The following HNF4G variants were observed in gnomAD, a reference collection of about 807,000 sequenced individuals.
HNF4G encodes hepatocyte nuclear factor 4 gamma.
Under a neutral mutation model 50.9 loss-of-function variants are expected in HNF4G, and 21 were observed. That is an observed-to-expected ratio of 0.41 (90% CI 0.29 to 0.59). The LOEUF (loss-of-function observed/expected upper bound fraction) is 0.59. Among genes scored for constraint, HNF4G ranks in the 20% least tolerant of loss-of-function variants. The pLI is 0.26. For synonymous variants in HNF4G, 198 were observed against 185.6 expected (o/e 1.07, Z -0.54); for missense variants, 527 against 559.4 (o/e 0.94, Z 0.58).
intron 2 of HNF4G, among the ~76,000 whole-genome samples, chr8:75,507,865 A>G (rs865787638): frequency 7.9e-5 from 12 of 152,268 alleles, no homozygotes; most frequent in South Asian, 2.1e-4. Context: ...TTAAAACATA[A>G]AAGAAATAAA....
intron 1 of HNF4G, among the ~76,000 whole-genome samples, chr8:75,454,694 C>G (rs1170569575): frequency 6.6e-6 from 1 of 151,808 alleles, no homozygotes; most frequent in Non-Finnish European, 1.5e-5. Flanking sequence ...CTTAATTAGC[C>G]TACCCAAAAT....
rs1376962822 is a variant in HNF4G at position 75,559,532 on chromosome 8, A to G, written c.1123+495A>G. On this transcript the variant is annotated intron_variant, in intron 8 of 9. Coordinates refer to ENST00000396423, the MANE Select transcript of HNF4G (RefSeq NM_004133.5). ...TGTGATCTGCCAGCCTCGGCCTCCC[A>G]AAGTGCTGGGAATACAGGCGTGAGC... Among the ~76,000 whole-genome samples the G allele has an allele frequency of 2.6e-5, 4 of 152,168 alleles. 1 individual carries two copies. In the East Asian group the frequency reaches 7.8e-4, roughly 30 times the overall value.
chr8:75,445,642 C>T (rs1334785422), intron 1 of HNF4G, among the ~76,000 whole-genome samples: 3 of 104,208 alleles, frequency 2.9e-5, no homozygotes, highest in African/African-American at 4.5e-5. Context: ...TCAGAGAATA[C>T]TACAAACACC....
Position 75,425,993 on chromosome 8 carries a change from T to C in HNF4G, c.-144+17831T>C, listed in dbSNP as rs73688880. 9.4e-3 allele frequency among the ~76,000 whole-genome samples: 1,433 copies of C among 152,334 alleles called. 26 individuals are homozygous for C. Among genetic ancestry groups the C allele is most frequent in the African/African-American group, 0.032 (1,317 of 41,576 alleles). On this transcript the variant is annotated intron_variant, in intron 1 of 10. Transcript: ENST00000354370. ...GTATAAAATCTATTTAAAATATAAA[T>C]GGAAATATTTCTATTTTGTCAATTG... is the stretch of plus-strand genomic sequence containing the variant.
At chr8:75,430,503 G>GAGAGAGA (rs1554567911) in intron 1 of HNF4G, among the ~76,000 whole-genome samples, 1 of 123,298 alleles carries the variant, frequency 8.1e-6, no homozygotes, top group African/African-American at 3.4e-5. Flanking sequence ...AGAGAGAGAG[G>GAGAGAGA]GAGAGAGAGA....
At chr8:75,515,428 A>G (rs1805863550) in intron 2 of HNF4G, among the ~76,000 whole-genome samples, 1 of 152,138 alleles carries the variant, frequency 6.6e-6, no homozygotes, top group South Asian at 2.1e-4. Flanking sequence ...ACATACATAT[A>G]TATTCATTAT....
intron 2 of HNF4G, among the ~76,000 whole-genome samples, chr8:75,524,630 A>T (rs1487445953): frequency 2.0e-5 from 3 of 152,220 alleles, no homozygotes; most frequent in Non-Finnish European, 4.4e-5. Context: ...GGATGAGGGA[A>T]AAGATGGAGT....
chr8:75,418,285 A>C (rs780281242), intron 1 of HNF4G, among the ~76,000 whole-genome samples: 5 of 151,998 alleles, frequency 3.3e-5, no homozygotes, highest in Admixed American at 1.3e-4. Flanking sequence ...ACTTCATCTT[A>C]CCTTAGTTAT....
chr8:75,518,671 C>T (rs901396379), intron 2 of HNF4G, among the ~76,000 whole-genome samples: 3 of 152,280 alleles, frequency 2.0e-5, no homozygotes, highest in African/African-American at 7.2e-5. Flanking sequence ...CATTTAGCCA[C>T]AGCTGGGACA....
At chr8:75,434,871 T>C (rs1392528841) in intron 1 of HNF4G, among the ~76,000 whole-genome samples, 1 of 152,138 alleles carries the variant, frequency 6.6e-6, no homozygotes, top group Non-Finnish European at 1.5e-5. Context: ...TTTGAAGAAA[T>C]AGAAAAACTT....
At chr8:75,488,223 T>A (rs993772856) in intron 1 of HNF4G, among the ~76,000 whole-genome samples, 1 of 152,156 alleles carries the variant, frequency 6.6e-6, no homozygotes, top group South Asian at 2.1e-4. Flanking sequence ...GAAATCACTG[T>A]TGTTAAATGT....
intron 1 of HNF4G, among the ~76,000 whole-genome samples, chr8:75,430,738 G>T (rs890162193): frequency 6.6e-6 from 1 of 152,096 alleles, no homozygotes; most frequent in African/African-American, 2.4e-5. Flanking sequence ...AAAATCCTGT[G>T]ACAAGAAAGC....
At chr8:75,535,390 G>C (rs748738135), upstream of HNF4G, among the ~76,000 whole-genome samples, 7 of 151,530 alleles carry the variant, frequency 4.6e-5, no homozygotes, top group Non-Finnish European at 1.0e-4. Context: ...GAAACAAAAG[G>C]TGGCTTTGCT....
At chr8:75,543,552 T>A (rs1254679256) in intron 1 of HNF4G, among the ~76,000 whole-genome samples, 2 of 152,188 alleles carry the variant, frequency 1.3e-5, no homozygotes, top group Non-Finnish European at 2.9e-5. Context: ...ATATTTATTG[T>A]CATGGAACTG....
At chr8:75,442,663 A>G (rs1374700701) in intron 1 of HNF4G, among the ~76,000 whole-genome samples, 1 of 152,150 alleles carries the variant, frequency 6.6e-6, no homozygotes, top group Non-Finnish European at 1.5e-5. Flanking sequence ...TATGCATTTG[A>G]TTCAATTCCA....
chr8:75,456,371 G>A (rs551823370), intron 1 of HNF4G, among the ~76,000 whole-genome samples: 1 of 152,152 alleles, frequency 6.6e-6, no homozygotes, highest in Non-Finnish European at 1.5e-5. Flanking sequence ...TTAGGGAATA[G>A]TATAAGCATT....
At chr8:75,491,666 G>T (rs982362694) in intron 2 of HNF4G, among the ~76,000 whole-genome samples, 1 of 152,114 alleles carries the variant, frequency 6.6e-6, no homozygotes, top group African/African-American at 2.4e-5. Context: ...AGTAAAGAAG[G>T]AGTTTCTTCA....
chr8:75,478,904 TAG>T (rs1217007034), intron 1 of HNF4G, among the ~76,000 whole-genome samples: 3 of 152,168 alleles, frequency 2.0e-5, no homozygotes, highest in Admixed American at 2.0e-4. Context: ...GTATTTTTAG[TAG>T]AGACGGGGTT....
At chr8:75,409,423 AT>A (rs1240456014) in intron 1 of HNF4G, among the ~76,000 whole-genome samples, 3 of 150,052 alleles carry the variant, frequency 2.0e-5, no homozygotes, top group Non-Finnish European at 4.5e-5. Context: ...GATTGCTAAG[AT>A]TAAAAAAAAA....
Sources: allele counts gnomAD v4.1 joint callset (sites outside exome capture counted in the v4.1 genomes callset), GRCh38; gene constraint gnomAD v4.1.1; transcripts MANE v1.5; gene names NCBI Gene and HGNC (gene_info 2026-07-23, HGNC 2026-07-21).